Variants in VTA1 observed in about 807,000 individuals in gnomAD.
VTA1 encodes vesicle trafficking 1.
A neutral mutation model predicts 36.9 loss-of-function variants in VTA1; 24 were observed. The observed-to-expected ratio is 0.65, with a 90% confidence interval of 0.47 to 0.91. The LOEUF is 0.91. Ranked by LOEUF, VTA1 falls within the 40% of genes least tolerant of loss-of-function variation. The pLI, the probability that VTA1 is intolerant of heterozygous loss-of-function variation, is 0.00. For missense variants in VTA1, 393 were observed against 377.2 expected, an observed-to-expected ratio of 1.04 and a Z score of -0.35; for synonymous variants, 142 against 130.2, an observed-to-expected ratio of 1.09 and a Z score of -0.62.
intron 4 of VTA1, among the ~76,000 whole-genome samples, chr6:142,172,080 G>T (rs188685208): frequency 3.3e-5 from 5 of 152,142 alleles, no homozygotes; most frequent in African/African-American, 9.6e-5. Flanking sequence ...GCACAATCTT[G>T]GCTCACTGCA....
At chr6:142,171,343 C>T (rs907477214) in intron 4 of VTA1, among the ~76,000 whole-genome samples, 4 of 152,198 alleles carry the variant, frequency 2.6e-5, no homozygotes, top group African/African-American at 9.7e-5. Context: ...AATCCGCCCA[C>T]CTTGGCCTCC....
chr6:142,158,553 T>G (rs1364762880), intron 1 of VTA1, among the ~76,000 whole-genome samples: 1 of 152,228 alleles, frequency 6.6e-6, no homozygotes, highest in Non-Finnish European at 1.5e-5. Context: ...TTATCAATAG[T>G]ATATTGCTGG....
In VTA1 at chr6:142,170,179, A is replaced by G. The variant is rs9376677; in HGVS notation, c.336-167A>G. ...AGTCTTGTTACTTTCTCATAGTAAC[A>G]GATTAGAAAACCATTTTTGTTATTT... is the stretch of plus-strand genomic sequence containing the variant. On this transcript the variant is annotated intron_variant, in intron 3 of 7. Transcript: ENST00000367630. Among the ~76,000 whole-genome samples the G allele has an allele frequency of 4.2e-4, 64 of 152,332 alleles. No homozygotes were observed. In the East Asian group the frequency reaches 0.011, roughly 27 times the overall value.
chr6:142,166,575 T>C (rs890039071), intron 2 of VTA1, among the ~76,000 whole-genome samples: 1 of 152,134 alleles, frequency 6.6e-6, no homozygotes, highest in Non-Finnish European at 1.5e-5. Context: ...TTATTATAGA[T>C]GGCCTTTGGC....
At chr6:142,159,490 T>G (rs1774742125) in intron 1 of VTA1, among the ~76,000 whole-genome samples, 2 of 132,918 alleles carry the variant, frequency 1.5e-5, no homozygotes, top group South Asian at 4.4e-4. Flanking sequence ...ATTATTATTA[T>G]TATTATTATT....
intron 4 of VTA1, among the ~76,000 whole-genome samples, chr6:142,180,758 A>T (rs995544051): frequency 1.3e-5 from 2 of 152,108 alleles, no homozygotes; most frequent in African/African-American, 4.8e-5. Context: ...CGCTTCAGTG[A>T]TAATGCTTCC....
At chr6:142,154,817 T>G (rs1415548691) in intron 1 of VTA1, among the ~76,000 whole-genome samples, 1 of 152,132 alleles carries the variant, frequency 6.6e-6, no homozygotes, top group Non-Finnish European at 1.5e-5. Flanking sequence ...GTTTGAGAGT[T>G]CTTAATATAT....
rs553373157 is a variant in VTA1 at position 142,217,198 on chromosome 6, C to T, written c.779-1300C>T. Among the ~76,000 whole-genome samples, 22 of 152,220 alleles carry T rather than the reference C, an allele frequency of 1.4e-4. No homozygotes were observed. The South Asian group carries it at 4.6e-3, about 32-fold the overall frequency. On this transcript the variant is annotated intron_variant, in intron 7 of 7. Coordinates refer to ENST00000367630, the MANE Select transcript of VTA1 (RefSeq NM_016485.5). ...AAATTTTATGTAATCTTAAATACTA[C>T]TAGTTCAACAAATATTTGAAGACTT... is the stretch of plus-strand genomic sequence containing the variant.
chr6:142,214,261 A>G (rs1775965402), intron 7 of VTA1, among the ~76,000 whole-genome samples: 1 of 152,224 alleles, frequency 6.6e-6, no homozygotes, highest in Non-Finnish European at 1.5e-5. Context: ...GCTAAAGCAT[A>G]GCAAGAGTGA....
chr6:142,177,368 C>T (rs887451337), intron 4 of VTA1, among the ~76,000 whole-genome samples: 2 of 152,166 alleles, frequency 1.3e-5, no homozygotes, highest in African/African-American at 2.4e-5. Flanking sequence ...CTTATGTAAG[C>T]CTGTTTCAAC....
At chr6:142,201,280 T>A (rs1403481403) in intron 6 of VTA1, among the ~76,000 whole-genome samples, 1 of 151,846 alleles carries the variant, frequency 6.6e-6, no homozygotes, top group Non-Finnish European at 1.5e-5. Context: ...ATGTTTCCCC[T>A]CTTACTCACG....
chr6:142,166,961 G>A (rs1353030120), intron 2 of VTA1, among the ~76,000 whole-genome samples: 4 of 152,096 alleles, frequency 2.6e-5, no homozygotes, highest in Non-Finnish European at 5.9e-5. Context: ...TTGCAGTCAC[G>A]TGGATGATTA....
At chr6:142,205,087 T>A (rs899872179) in intron 7 of VTA1, among the ~76,000 whole-genome samples, 4 of 152,158 alleles carry the variant, frequency 2.6e-5, no homozygotes, top group African/African-American at 9.7e-5. Context: ...TTTTTCAGCT[T>A]GAATTTTCTG....
chr6:142,197,313 A>T (rs2114672285), intron 5 of VTA1, among the ~76,000 whole-genome samples: 1 of 152,320 alleles, frequency 6.6e-6, no homozygotes, highest in South Asian at 2.1e-4. Context: ...AATTAGCTAC[A>T]TTGAATAACC....
chr6:142,203,654 G>A (rs1471032859), intron 6 of VTA1, among the ~76,000 whole-genome samples: 2 of 152,072 alleles, frequency 1.3e-5, no homozygotes, highest in Admixed American at 6.5e-5. Context: ...AACTAAATTA[G>A]AATTATGTTC....
intron 4 of VTA1, among the ~76,000 whole-genome samples, chr6:142,177,635 A>G (rs1042704647): frequency 1.3e-5 from 2 of 152,078 alleles, no homozygotes; most frequent in Non-Finnish European, 2.9e-5. Flanking sequence ...TTAAAAAAAA[A>G]TATGCTAAAT....
chr6:142,211,574 G>A (rs967592688), intron 7 of VTA1, among the ~76,000 whole-genome samples: 5 of 152,062 alleles, frequency 3.3e-5, no homozygotes, highest in East Asian at 1.9e-4. Context: ...AGCCGGGCGC[G>A]GTGGCAGGCG....
At chr6:142,209,628 CA>C (rs200042499) in intron 7 of VTA1, among the ~76,000 whole-genome samples, 125 of 128,548 alleles carry the variant, frequency 9.7e-4, no homozygotes, top group African/African-American at 2.2e-3. Context: ...AATACAAATA[CA>C]AAAAAAAATA....
intron 7 of VTA1, among the ~76,000 whole-genome samples, chr6:142,211,984 T>C (rs1775914216): frequency 6.6e-6 from 1 of 152,146 alleles, no homozygotes; most frequent in African/African-American, 2.4e-5. Flanking sequence ...ACACACCTAT[T>C]AGAATGGCCA....
Sources: allele counts gnomAD v4.1 joint callset (sites outside exome capture counted in the v4.1 genomes callset), GRCh38; gene constraint gnomAD v4.1.1; transcripts MANE v1.5; gene names NCBI Gene and HGNC (gene_info 2026-07-23, HGNC 2026-07-21).